The following XRN2 variants were observed in gnomAD, a reference collection of about 807,000 sequenced individuals.
The protein encoded by XRN2 is DHM1-like protein.
XRN2 carries 44 observed loss-of-function variants against 138.5 expected under a neutral mutation model. That is an observed-to-expected ratio of 0.32 (90% CI 0.25 to 0.41). The LOEUF (loss-of-function observed/expected upper bound fraction) is 0.41, where lower values mean the gene tolerates loss of function less well. XRN2 is among the 10% of genes least tolerant of loss of function. The pLI is 1.00. For synonymous variants in XRN2, 354 were observed against 369.4 expected (o/e 0.96, Z 0.48); for missense variants, 937 against 1,169.3 (o/e 0.80, Z 2.90).
rs542817866 is a variant in XRN2 at position 21,349,230 on chromosome 20, T to C, written c.1864-159T>C. On this transcript the variant is annotated intron_variant, in intron 19 of 29. Transcript: ENST00000377191. ...TAACATTGTTCATTTTGTTTTACTA[T>C]ACTTGGGATTAATGACCTAATGTCT... 1.1e-4 allele frequency among the ~76,000 whole-genome samples: 17 copies of C among 152,356 alleles called. 1 individual carries two copies. The highest frequency in any genetic ancestry group is 3.8e-4 in the African/African-American group (16 of 41,584).
intron 27 of XRN2, among the ~76,000 whole-genome samples, chr20:21,378,031 A>G (rs943311144): frequency 1.3e-5 from 2 of 152,076 alleles, no homozygotes; most frequent in Non-Finnish European, 2.9e-5. Context: ...ACTGATTTTT[A>G]TCTGATCCCT....
In XRN2 at chr20:21,365,562, T is replaced by A. The variant is rs762259008; in HGVS notation, c.2325-11T>A. The A allele has an allele frequency of 1.2e-6, 2 of 1,613,486 alleles. No homozygotes were observed. Among genetic ancestry groups the A allele is most frequent in the South Asian group, 2.2e-5 (2 of 91,038 alleles). ...TCCCTATTACTAAGTGTTGTCTTTT[T>A]AAATGGTCAGAAAGCCAGCAGCAGT... On this transcript the variant is annotated splice_polypyrimidine_tract_variant and intron_variant, in intron 25 of 29. Transcript: ENST00000377191.
chr20:21,387,585 C>T (rs2038949213), intron 29 of XRN2, among the ~76,000 whole-genome samples: 2 of 152,312 alleles, frequency 1.3e-5, no homozygotes, highest in South Asian at 4.1e-4. Flanking sequence ...AGCTTCATGT[C>T]CTTCTCTTTA....
At chr20:21,383,168 A>G (rs1255537597) in intron 28 of XRN2, among the ~76,000 whole-genome samples, 2 of 152,234 alleles carry the variant, frequency 1.3e-5, no homozygotes, top group African/African-American at 4.8e-5. Flanking sequence ...GTCTCATTAA[A>G]TGCAATACGA....
In XRN2 at chr20:21,354,779, G is replaced by GT; in HGVS notation, c.1937-4dup. On this transcript the variant is annotated splice_polypyrimidine_tract_variant and intron_variant, in intron 20 of 29. Transcript: ENST00000377191. Reference sequence around the variant, plus strand: ...TAGCAGGGGTGGTTCATTTGCACTTGTTTTTTCAGGTGTTGCTCTCTTGCC... The same window carrying GT: ...TAGCAGGGGTGGTTCATTTGCACTTGTTTTTTTCAGGTGTTGCTCTCTTGCC... The GT allele has an allele frequency of 6.2e-7, 1 of 1,613,544 alleles. No homozygotes were observed. The highest frequency in any genetic ancestry group is 2.2e-5 in the East Asian group (1 of 44,858).
chr20:21,344,297 C>G, intron 16 of XRN2, 89 bp downstream of exon 16: 1 of 885,220 alleles, frequency 1.1e-6, no homozygotes, highest in Non-Finnish European at 1.8e-6. Flanking sequence ...GCAGCAGTGC[C>G]TTCAGATGCT....
At chr20:21,342,207 T>A (rs2038381094) in intron 15 of XRN2, among the ~76,000 whole-genome samples, 1 of 152,220 alleles carries the variant, frequency 6.6e-6, no homozygotes, top group Non-Finnish European at 1.5e-5. Flanking sequence ...TCTCGTGTTT[T>A]ATTTTTCTGA....
At chr20:21,338,056 C>T (rs1255219958) in intron 13 of XRN2, among the ~76,000 whole-genome samples, 1 of 152,144 alleles carries the variant, frequency 6.6e-6, no homozygotes, top group Non-Finnish European at 1.5e-5. Context: ...GAGCAGGAGA[C>T]TTATGTATCC....
intron 1 of XRN2, among the ~76,000 whole-genome samples, chr20:21,323,749 A>T (rs562306896): frequency 6.6e-6 from 1 of 152,216 alleles, no homozygotes; most frequent in Non-Finnish European, 1.5e-5. Flanking sequence ...GCTCCACTCC[A>T]TATGAAGAGC....
intron 20 of XRN2, among the ~76,000 whole-genome samples, chr20:21,353,374 T>G (rs1305573840): frequency 6.6e-6 from 1 of 150,980 alleles, no homozygotes; most frequent in Non-Finnish European, 1.5e-5. Context: ...TCCTGGGTTT[T>G]TTTCATGTGT....
intron 13 of XRN2, among the ~76,000 whole-genome samples, chr20:21,336,989 G>A (rs963575033): frequency 2.6e-5 from 4 of 152,236 alleles, no homozygotes; most frequent in Non-Finnish European, 5.9e-5. Context: ...ACACAAAGGA[G>A]CCAGTGTGGA....
intron 27 of XRN2, 43 bp from the exon 28 acceptor site, chr20:21,381,951 T>C (rs1232158565): frequency 6.5e-7 from 1 of 1,537,134 alleles, no homozygotes; most frequent in Non-Finnish European, 8.8e-7. Flanking sequence ...GAATATTGGT[T>C]ACTTTTAAAA....
chr20:21,342,597 C>T (rs2038386317), intron 15 of XRN2, among the ~76,000 whole-genome samples: 1 of 152,176 alleles, frequency 6.6e-6, no homozygotes, highest in Non-Finnish European at 1.5e-5. Flanking sequence ...GAATGTCACT[C>T]TCATAATTTA....
chr20:21,309,785 A>G (rs1227397389), intron 1 of XRN2, among the ~76,000 whole-genome samples: 3 of 150,452 alleles, frequency 2.0e-5, no homozygotes, highest in African/African-American at 7.4e-5. Flanking sequence ...ACTTGTTATT[A>G]TCCTTTTAAT....
chr20:21,354,664 T>C, intron 20 of XRN2, 125 bp from the exon 21 acceptor site: 2 of 812,562 alleles, frequency 2.5e-6, no homozygotes, highest in African/African-American at 1.7e-5. Flanking sequence ...CAATAAGAGT[T>C]CAGTTCCAAA....
intron 1 of XRN2, among the ~76,000 whole-genome samples, chr20:21,325,624 A>G (rs1188181716): frequency 6.6e-6 from 1 of 152,226 alleles, no homozygotes; most frequent in Non-Finnish European, 1.5e-5. Flanking sequence ...TGAGAGATCA[A>G]AAGGCATTTT....
At position 21,354,911 on chromosome 20, in the gene XRN2, A is replaced by G. The variant is rs368862980; in HGVS notation, c.2020+39A>G. ...TTCTTAGTTAACATTGATCTGTGTA[A>G]TATACACTTTATATTTCTGTATAAA... is the stretch of plus-strand genomic sequence containing the variant. On this transcript the variant is annotated intron_variant, in intron 21 of 29. Coordinates refer to ENST00000377191, the MANE Select transcript of XRN2 (RefSeq NM_012255.5). The G allele has an allele frequency of 5.5e-5, 83 of 1,513,474 alleles. No individual in the cohort carries two copies. The African/African-American group carries it at 1.0e-3, about 19-fold the overall frequency. The allele number at this position is 1,513,474 out of a possible 1,614,324, so 93.8% of individuals were successfully genotyped here.
At chr20:21,363,546 ACAGTTGT>A (rs1024473851) in intron 24 of XRN2, among the ~76,000 whole-genome samples, 1 of 152,206 alleles carries the variant, frequency 6.6e-6, no homozygotes, top group Admixed American at 6.5e-5. Flanking sequence ...TGAGCTAAAG[ACAGTTGT>A]CAGTGAAGAG....
intron 1 of XRN2, among the ~76,000 whole-genome samples, chr20:21,309,465 T>C (rs1185155105): frequency 6.6e-6 from 1 of 152,242 alleles, no homozygotes; most frequent in Non-Finnish European, 1.5e-5. Flanking sequence ...GCAAGCTGCA[T>C]GCAACCCAGG....
Sources: allele counts gnomAD v4.1 joint callset (sites outside exome capture counted in the v4.1 genomes callset), GRCh38; gene constraint gnomAD v4.1.1; transcripts MANE v1.5; gene names NCBI Gene and HGNC (gene_info 2026-07-23, HGNC 2026-07-21).